The following BPGM variants were observed in gnomAD, a reference collection of about 807,000 sequenced individuals.
BPGM encodes bisphosphoglycerate mutase, also known as 2,3-bisphosphoglycerate mutase, erythrocyte.
A neutral mutation model predicts 21.6 loss-of-function variants in BPGM; 15 were observed. That is an observed-to-expected ratio of 0.70 (90% CI 0.47 to 1.07). The LOEUF is 1.07. Among genes scored for constraint, BPGM ranks in the 50% least tolerant of loss-of-function variants. BPGM has a pLI of 0.00. For missense variants in BPGM, 273 were observed against 319.0 expected, an observed-to-expected ratio of 0.86 and a Z score of 1.10; for synonymous variants, 113 against 116.2, an observed-to-expected ratio of 0.97 and a Z score of 0.18.
chr7:134,650,708 G>A (rs1795542171), intron 1 of BPGM, among the ~76,000 whole-genome samples: 1 of 152,174 alleles, frequency 6.6e-6, no homozygotes, highest in African/African-American at 2.4e-5. Context: ...AGATCACGAG[G>A]TCAGGAGATC....
At chr7:134,677,710 A>C (rs1260986722) in intron 2 of BPGM, among the ~76,000 whole-genome samples, 2 of 152,118 alleles carry the variant, frequency 1.3e-5, no homozygotes, top group African/African-American at 4.8e-5. Flanking sequence ...AACAGGAAGC[A>C]TATAGTTAGA....
In BPGM at chr7:134,658,895, T is replaced by TTTTTTATTTTTTTTA. The variant is rs1417026384; in HGVS notation, c.-61-2547_-61-2546insATTTTTTTTATTTTT. The stretch of plus-strand genomic sequence containing the variant: ...GTTCTGGTGTGTGTGTGTGTGTATT[T>TTTTTTATTTTTTTTA]TTTTTTTAGTAAAAAGAAAACAGAA... On this transcript the variant is annotated intron_variant, in intron 1 of 2. Coordinates refer to ENST00000344924, the MANE Select transcript of BPGM (RefSeq NM_001724.5). 3.2e-3 allele frequency among the ~76,000 whole-genome samples: 483 copies of TTTTTTATTTTTTTTA among 151,738 alleles called. 6 individuals are homozygous for TTTTTTATTTTTTTTA. The highest frequency in any genetic ancestry group is 0.011 in the African/African-American group (459 of 41,286).
intron 1 of BPGM, among the ~76,000 whole-genome samples, chr7:134,652,204 T>G (rs1259558686): frequency 6.6e-6 from 1 of 152,234 alleles, no homozygotes; most frequent in Non-Finnish European, 1.5e-5. Context: ...GTTGGGATTA[T>G]TCTATGACGG....
intron 2 of BPGM, among the ~76,000 whole-genome samples, chr7:134,673,161 G>A (rs998333880): frequency 1.4e-4 from 22 of 151,810 alleles, no homozygotes; most frequent in African/African-American, 3.6e-4. Flanking sequence ...GCGACAGAGC[G>A]AGACTCCATC....
At chr7:134,649,320 C>A (rs1403169819) in intron 1 of BPGM, among the ~76,000 whole-genome samples, 1 of 152,064 alleles carries the variant, frequency 6.6e-6, no homozygotes. Flanking sequence ...TGGAGCATAC[C>A]GAAGTATAAT....
intron 1 of BPGM, among the ~76,000 whole-genome samples, chr7:134,655,602 GTACAAA>G (rs1795624651): frequency 6.6e-6 from 1 of 152,160 alleles, no homozygotes; most frequent in African/African-American, 2.4e-5. Context: ...TAGTACAAAA[GTACAAA>G]GTACAGAACT....
In BPGM at chr7:134,661,942, C is replaced by A. The variant is rs146970055; in HGVS notation, c.435C>A (p.Cys145Ter). The part of the protein sequence containing the change: ...EIYNDRRYKV[C>*]DVPLDQLPRS... The stretch of plus-strand genomic sequence containing the variant: ...ACAACGACCGGAGGTATAAAGTATG[C>A]GATGTGCCCTTGGATCAACTGCCAC... The change falls in exon 2 of 3, where the codon TGC becomes TGA. Residue 145 changes from cysteine (C) to a stop codon, truncating the protein, a stop_gained. Transcript: ENST00000344924. LOFTEE classifies it high-confidence loss of function. This position sits in a 1 kb window ranked among gnomAD's most constrained non-coding sequence, Gnocchi z 4.6. The A allele has an allele frequency of 1.9e-5, 30 of 1,613,944 alleles. No homozygotes were observed. Among genetic ancestry groups the A allele is most frequent in the Non-Finnish European group, 2.5e-5 (29 of 1,179,986 alleles).
intron 1 of BPGM, among the ~76,000 whole-genome samples, chr7:134,655,661 C>T (rs17167980): frequency 6.6e-6 from 1 of 152,200 alleles, no homozygotes; most frequent in East Asian, 1.9e-4. Flanking sequence ...ACATAAATAC[C>T]CTGAGATTCT....
In BPGM at chr7:134,679,784, G is replaced by A. The variant is rs1796038411; in HGVS notation, c.*753G>A. On this transcript the variant is annotated 3_prime_UTR_variant, in exon 3 of 3. Coordinates refer to ENST00000344924, the MANE Select transcript of BPGM (RefSeq NM_001724.5). ...TAATTAGTTTAAAAATAAAGTTCCTGATAATAAAGTGACTGAAAATGGCAT... is the reference window on the plus strand; with the variant it reads ...TAATTAGTTTAAAAATAAAGTTCCTAATAATAAAGTGACTGAAAATGGCAT... 6.6e-6 allele frequency: 1 copy of A among 152,184 alleles called. No homozygotes were observed. The highest frequency in any genetic ancestry group is 1.5e-5 in the Non-Finnish European group (1 of 68,030). The allele number at this position is 152,184 out of a possible 1,614,324, so 9.4% of individuals were successfully genotyped here.
intron 1 of BPGM, among the ~76,000 whole-genome samples, chr7:134,657,916 G>A (rs549623578): frequency 2.6e-5 from 4 of 152,284 alleles, no homozygotes; most frequent in East Asian, 1.9e-4. Context: ...GGTTCTGACC[G>A]TCTCCTGGGG....
chr7:134,648,239 G>C (rs896304584), intron 1 of BPGM, among the ~76,000 whole-genome samples: 1 of 150,550 alleles, frequency 6.6e-6, no homozygotes, highest in Non-Finnish European at 1.5e-5. Flanking sequence ...GGATTCAATC[G>C]ATTCTCCTGC....
intron 2 of BPGM, among the ~76,000 whole-genome samples, chr7:134,673,717 G>A (rs1795941895): frequency 1.3e-5 from 2 of 152,076 alleles, no homozygotes; most frequent in South Asian, 4.1e-4. Context: ...AGCCTTTCAC[G>A]AGGGCAGAGC....
At chr7:134,660,200 C>CT (rs1795707875) in intron 1 of BPGM, among the ~76,000 whole-genome samples, 1 of 152,132 alleles carries the variant, frequency 6.6e-6, no homozygotes, top group African/African-American at 2.4e-5. Context: ...GAAACTAGAT[C>CT]TAGATTCCAA....
intron 1 of BPGM, among the ~76,000 whole-genome samples, chr7:134,652,283 C>A (rs1048531006): frequency 6.6e-6 from 1 of 152,094 alleles, no homozygotes; most frequent in Non-Finnish European, 1.5e-5. Flanking sequence ...AGGCCAATAT[C>A]GGCATATTGA....
At chr7:134,670,152 G>A (rs1469194038) in intron 2 of BPGM, among the ~76,000 whole-genome samples, 4 of 152,290 alleles carry the variant, frequency 2.6e-5, no homozygotes, top group Admixed American at 6.5e-5. Context: ...AGCACAGGAC[G>A]AGGCAGTTTC....
chr7:134,678,780 A>G, intron 2 of BPGM, 73 bp from the exon 3 acceptor site: 1 of 1,369,868 alleles, frequency 7.3e-7, no homozygotes, highest in South Asian at 1.2e-5. Flanking sequence ...ATTAAAGTGC[A>G]GTTATATAAT....
At chr7:134,657,365 C>T (rs995222999) in intron 1 of BPGM, among the ~76,000 whole-genome samples, 1 of 152,166 alleles carries the variant, frequency 6.6e-6, no homozygotes, top group Non-Finnish European at 1.5e-5. Flanking sequence ...AAACGAAAGC[C>T]TTGCAGGTCA....
intron 1 of BPGM, among the ~76,000 whole-genome samples, chr7:134,649,237 A>G (rs1423010271): frequency 1.3e-5 from 2 of 151,658 alleles, no homozygotes; most frequent in African/African-American, 4.9e-5. Context: ...TGATCTTCCT[A>G]TTTTTGTCCC....
intron 2 of BPGM, among the ~76,000 whole-genome samples, chr7:134,674,199 C>T (rs939815022): frequency 6.6e-6 from 1 of 152,172 alleles, no homozygotes; most frequent in Non-Finnish European, 1.5e-5. Context: ...AGGCATGAGC[C>T]ACTGCGCCCA....
Sources: allele counts gnomAD v4.1 joint callset (sites outside exome capture counted in the v4.1 genomes callset), GRCh38; gene constraint gnomAD v4.1.1; non-coding constraint Gnocchi (gnomAD v3.1); transcripts MANE v1.5; gene names NCBI Gene and HGNC (gene_info 2026-07-23, HGNC 2026-07-21).